The following DHX36 variants were observed in gnomAD, a reference collection of about 807,000 sequenced individuals.
The protein encoded by DHX36 is DEAH-box helicase 36, also known as ATP-dependent DNA/RNA helicase DHX36.
In DHX36, 50 loss-of-function variants were observed where a neutral mutation model predicts 139.0. That is an observed-to-expected ratio of 0.36 (90% CI 0.29 to 0.46). DHX36 has a LOEUF of 0.46. Among genes scored for constraint, DHX36 ranks in the 20% least tolerant of loss-of-function variants. The pLI is 1.00. For missense variants in DHX36, 1,024 were observed against 1,211.3 expected (o/e 0.85, Z 2.29); for synonymous variants, 425 against 401.9 (o/e 1.06, Z -0.69).
At position 154,315,031 on chromosome 3, in the gene DHX36, A is replaced by C; in HGVS notation, c.603+15T>G. The stretch of plus-strand genomic sequence containing the variant: ...GAAAAAAATGACAAAATATTTTTTG[A>C]CATCTTTCTACTACCTGCATTTCAA... On this transcript the variant is annotated intron_variant, in intron 3 of 24. Coordinates refer to ENST00000496811, the MANE Select transcript of DHX36 (RefSeq NM_020865.3). 1 of 1,530,752 alleles carries C rather than the reference A, an allele frequency of 6.5e-7. No homozygotes were observed. The highest frequency in any genetic ancestry group is 1.2e-5 in the South Asian group (1 of 84,470). The allele number at this position is 1,530,752 out of a possible 1,614,324, so 94.8% of individuals were successfully genotyped here.
At chr3:154,278,999 G>C (rs1456694209) in intron 22 of DHX36, 1 of 152,070 alleles carries the variant, frequency 6.6e-6, no homozygotes, top group Non-Finnish European at 1.5e-5. Context: ...CTGTCACCCA[G>C]GCTGGACTGC....
intron 1 of DHX36, among the ~76,000 whole-genome samples, chr3:154,317,114 A>G (rs563543663): frequency 6.6e-6 from 1 of 152,230 alleles, no homozygotes; most frequent in South Asian, 2.1e-4. Flanking sequence ...AGAGACAAAA[A>G]GGAAGAAAGA....
intron 7 of DHX36, 59 bp downstream of exon 7, chr3:154,305,035 C>G: frequency 6.3e-7 from 1 of 1,593,216 alleles, no homozygotes; most frequent in Non-Finnish European, 8.5e-7. Flanking sequence ...TAGTAAAATC[C>G]AATTTAATAA....
At chr3:154,280,913 G>T (rs1424113922) in intron 20 of DHX36, 51 bp from the exon 21 acceptor site, 7 of 1,358,362 alleles carry the variant, frequency 5.2e-6, no homozygotes, top group Admixed American at 1.7e-5. Context: ...ACACATTGAG[G>T]CTATAAACCA....
intron 16 of DHX36, among the ~76,000 whole-genome samples, chr3:154,289,349 C>T (rs1191972144): frequency 6.6e-6 from 1 of 152,110 alleles, no homozygotes; most frequent in Non-Finnish European, 1.5e-5. Flanking sequence ...TGAAGGATAA[C>T]ATGTTAACAT....
At chr3:154,317,789 C>T (rs1300576184) in intron 1 of DHX36, among the ~76,000 whole-genome samples, 1 of 151,666 alleles carries the variant, frequency 6.6e-6, no homozygotes, top group African/African-American at 2.4e-5. Context: ...AAGCAGACAG[C>T]AATGTGTAAA....
rs1225542681 is a variant in DHX36, at chr3:154,315,230, A to G, written c.419T>C (p.Leu140Pro). The G allele has an allele frequency of 6.2e-7, 1 of 1,613,292 alleles. No individual in the cohort carries two copies. Among genetic ancestry groups the G allele is most frequent in the African/African-American group, 1.3e-5 (1 of 74,850 alleles). The change falls in exon 3 of 25, where the codon CTT (leucine) becomes CCT (proline). Residue 140 changes from leucine (L) to proline (P), a missense_variant. Physicochemically the swap from Leu to Pro is moderately conservative, Grantham distance 98. Transcript: ENST00000496811. ...TKNTPCSENK[L>P]DIQEKKLINQ... ...TATCAACTTCTTTTCCTGGATGTCA[A>G]GTTTGTTCTCTGAGCATGGTGTGTT...
chr3:154,316,727 C>A (rs749329003), intron 1 of DHX36, among the ~76,000 whole-genome samples: 4 of 151,164 alleles, frequency 2.6e-5, no homozygotes, highest in Non-Finnish European at 4.4e-5. Context: ...ACACAACAGA[C>A]TGGACAAATA....
intron 20 of DHX36, 84 bp downstream of exon 20, chr3:154,283,104 G>T: frequency 2.8e-6 from 3 of 1,064,730 alleles, no homozygotes; most frequent in African/African-American, 1.6e-5. Context: ...TGACTTTTTT[G>T]CTATAGATCT....
chr3:154,293,015 A>G (rs544069154), intron 14 of DHX36, among the ~76,000 whole-genome samples: 1 of 152,290 alleles, frequency 6.6e-6, no homozygotes, highest in South Asian at 2.1e-4. Context: ...CCTCATACCT[A>G]GCACTATGGG....
At chr3:154,288,673 G>C (rs995349782) in intron 17 of DHX36, among the ~76,000 whole-genome samples, 193 bp downstream of exon 17, 1 of 151,990 alleles carries the variant, frequency 6.6e-6, no homozygotes, top group Non-Finnish European at 1.5e-5. Flanking sequence ...TTATTACGAA[G>C]ATATCACTTT....
In DHX36 at chr3:154,304,814, T is replaced by C. The variant is rs1712437509; in HGVS notation, c.1127A>G (p.Glu376Gly). ...CTATACATTTTACTCACCAAAATAT[T>C]CTGAAAACTTTTCTGCATTCAATGT... The part of the protein sequence containing the change: ...SATLNAEKFS[E>G]YFGNCPMIHI... The change falls in exon 8 of 25, where the codon GAA (glutamate) becomes GGA (glycine). Residue 376 changes from glutamate (E) to glycine (G), a missense_variant. This residue lies in a region of DHX36 where 146 missense variants were observed against 215.0 expected (regional missense o/e 0.68). Transcript: ENST00000496811. 1.9e-6 allele frequency: 3 copies of C among 1,558,068 alleles called. No homozygotes were observed. In the East Asian group the frequency reaches 6.8e-5, roughly 35 times the overall value.
Position 154,273,778 on chromosome 3 carries a change from T to C in DHX36, c.*2393A>G, listed in dbSNP as rs1449135235. On this transcript the variant is annotated 3_prime_UTR_variant, in exon 25 of 25. Coordinates refer to ENST00000496811, the MANE Select transcript of DHX36 (RefSeq NM_020865.3). Reference sequence around the variant, plus strand: ...CATTATCAATACATCCCAGTCATTGTATGATACTATTAACTCTTTCGGTTT... The same window carrying C: ...CATTATCAATACATCCCAGTCATTGCATGATACTATTAACTCTTTCGGTTT... 1 of 152,260 alleles carries C rather than the reference T, an allele frequency of 6.6e-6. No individual in the cohort carries two copies. Among genetic ancestry groups the C allele is most frequent in the Non-Finnish European group, 1.5e-5 (1 of 68,042 alleles). The allele number at this position is 152,260 out of a possible 1,614,324, so 9.4% of individuals were successfully genotyped here.
rs956169862 is a variant in DHX36 at position 154,281,745 on chromosome 3, C to A, written c.2377-883G>T. Reference sequence around the variant, plus strand: ...CTTTCCCCACCTAATTTTTCTGACACCTGACTTTCTTAGACACCTCCTGGT... The same window carrying A: ...CTTTCCCCACCTAATTTTTCTGACAACTGACTTTCTTAGACACCTCCTGGT... On this transcript the variant is annotated intron_variant, in intron 20 of 24. Coordinates refer to ENST00000496811, the MANE Select transcript of DHX36 (RefSeq NM_020865.3). Among the ~76,000 whole-genome samples, 6 of 152,202 alleles carry A rather than the reference C, an allele frequency of 3.9e-5. No individual in the cohort carries two copies. The South Asian group carries it at 1.2e-3, about 32-fold the overall frequency.
At position 154,315,214 on chromosome 3, in the gene DHX36, C is replaced by A. The variant is rs747815107; in HGVS notation, c.435G>T (p.Lys145Asn). Reference protein sequence around the residue: ...CSENKLDIQEKKLINQEKKMF... With the variant: ...CSENKLDIQENKLINQEKKMF... ...TTTTTTTTTCTTGATTTATCAACTTCTTTTCCTGGATGTCAAGTTTGTTCT... is the reference window on the plus strand; with the variant it reads ...TTTTTTTTTCTTGATTTATCAACTTATTTTCCTGGATGTCAAGTTTGTTCT... Residue 145 changes from lysine (K) to asparagine (N), a missense_variant, in exon 3 of 25, where the codon AAG (lysine) becomes AAT (asparagine). Transcript: ENST00000496811. 20 of 1,613,112 alleles carry A rather than the reference C, an allele frequency of 1.2e-5. No individual in the cohort carries two copies. The highest frequency in any genetic ancestry group is 1.6e-5 in the Non-Finnish European group (19 of 1,179,648).
At chr3:154,283,838 C>T (rs1015067031) in intron 19 of DHX36, among the ~76,000 whole-genome samples, 3 of 152,072 alleles carry the variant, frequency 2.0e-5, no homozygotes, top group African/African-American at 7.2e-5. Flanking sequence ...CCCTCAGATA[C>T]ACGTGGCTTT....
Position 154,276,188 on chromosome 3 carries a change from C to T in DHX36, c.3010G>A (p.Asp1004Asn), listed in dbSNP as rs1719142935. The T allele has an allele frequency of 6.2e-7, 1 of 1,612,112 alleles. No homozygotes were observed. The highest frequency in any genetic ancestry group is 2.2e-5 in the East Asian group (1 of 44,730). The stretch of plus-strand genomic sequence containing the variant: ...AAAAGCTGTCAGCTGTAATATCCAT[C>T]CTGGAATCGTGGCGGAAAGTTCCTG... ...TPRNFPPRFQ[D>N]GYYS is the part of the protein sequence containing the mutation. Residue 1004 changes from aspartate (D) to asparagine (N), a missense_variant, in exon 25 of 25, where the codon GAT becomes AAT. Transcript: ENST00000496811.
intron 4 of DHX36, 38 bp from the exon 5 acceptor site, chr3:154,309,861 ACT>A: frequency 7.0e-7 from 1 of 1,433,694 alleles, no homozygotes; most frequent in Admixed American, 2.3e-5. Flanking sequence ...TCACATGTTG[ACT>A]AAGTCTGAAA....
At chr3:154,299,759 G>A in intron 12 of DHX36, 79 bp downstream of exon 12, 1 of 1,060,514 alleles carries the variant, frequency 9.4e-7, no homozygotes, top group Non-Finnish European at 1.5e-6. Flanking sequence ...ACACTTCTTT[G>A]AATAAAAGAA....
Sources: allele counts gnomAD v4.1 joint callset (sites outside exome capture counted in the v4.1 genomes callset), GRCh38; gene constraint gnomAD v4.1.1; regional missense constraint gnomAD v4.1.1; transcripts MANE v1.5; gene names NCBI Gene and HGNC (gene_info 2026-07-23, HGNC 2026-07-21).